Variants in SPANXN4 observed in about 807,000 individuals in gnomAD.
SPANXN4 encodes SPANX family member N4.
SPANXN4 carries 5 observed loss-of-function variants against 6.0 expected under a neutral mutation model. The ratio of observed to expected loss-of-function variants is 0.83; its 90% CI spans 0.44 to 1.75. SPANXN4 has a LOEUF of 1.75. SPANXN4 is among the 40% of genes most tolerant of loss of function. The pLI is 0.02. For synonymous variants in SPANXN4, 45 were observed against 38.0 expected, an observed-to-expected ratio of 1.19 and a Z score of -0.68; for missense variants, 157 against 108.6, an observed-to-expected ratio of 1.45 and a Z score of -1.98.
intron 1 of SPANXN4, among the ~76,000 whole-genome samples, chrX:143,030,264 G>A (rs750147895): frequency 3.6e-5 from 4 of 110,851 alleles, no homozygotes; most frequent in Non-Finnish European, 7.6e-5. Flanking sequence ...TTGTTGGGTT[G>A]GGATGGCCCA....
At chrX:143,033,487 G>A (rs749735372) in intron 1 of SPANXN4, among the ~76,000 whole-genome samples, 3 of 111,647 alleles carry the variant, frequency 2.7e-5, no homozygotes, top group South Asian at 3.9e-4. Flanking sequence ...CTGCAGAAGT[G>A]GGGGACCAGC....
At position 143,026,000 on chromosome X, in the gene SPANXN4, C is replaced by T. The variant is rs749339931; in HGVS notation, c.-15C>T. On this transcript the variant is annotated 5_prime_UTR_variant, in exon 1 of 3. Coordinates refer to ENST00000370504, the Ensembl canonical transcript of SPANXN4. ...AGAAGATCCTAGTACAGAAATTCTA[C>T]AACCAACCATAATCATGGAAGAGCC... 16 of 1,202,028 alleles carry T rather than the reference C, an allele frequency of 1.3e-5. No homozygotes were observed. In the South Asian group the frequency reaches 2.9e-4, roughly 22 times the overall value.
chrX:143,033,393 T>C (rs1932822522), intron 1 of SPANXN4, among the ~76,000 whole-genome samples: 1 of 110,827 alleles, frequency 9.0e-6, no homozygotes, highest in South Asian at 3.9e-4. Flanking sequence ...GGCACCAAAA[T>C]GTTAGGTTTT....
chrX:143,034,125 A>G, exon 2 of SPANXN4: 1 of 1,179,998 alleles, frequency 8.5e-7, no homozygotes, highest in African/African-American at 1.8e-5. Context: ...AGGAAGAATA[A>G]GAAAAGAAAT....
At chrX:143,036,546 G>A (rs772850056), downstream of SPANXN4, among the ~76,000 whole-genome samples, 26 of 111,569 alleles carry the variant, frequency 2.3e-4, no homozygotes, top group Non-Finnish European at 2.5e-4. Flanking sequence ...TTGAATTATC[G>A]CGACATCCTT....
intron 1 of SPANXN4, among the ~76,000 whole-genome samples, chrX:143,028,165 T>C (rs1602655969): frequency 9.0e-6 from 1 of 110,919 alleles, no homozygotes; most frequent in East Asian, 2.9e-4. Context: ...TGGAATGGTG[T>C]ATTCAGTGTG....
chrX:143,033,877 C>A (rs1011321915), intron 1 of SPANXN4, 148 bp from the exon 2 acceptor site: 41 of 513,786 alleles, frequency 8.0e-5, no homozygotes, highest in South Asian at 3.3e-4. Context: ...CCCCATAGAT[C>A]CCTACCCTAT....
At chrX:143,033,884 C>A in intron 1 of SPANXN4, 141 bp from the exon 2 acceptor site, 1 of 536,316 alleles carries the variant, frequency 1.9e-6, no homozygotes, top group Non-Finnish European at 3.0e-6. Context: ...GATCCCTACC[C>A]TATGATTCCA....
At chrX:143,026,671 C>T (rs997676936) in intron 1 of SPANXN4, among the ~76,000 whole-genome samples, 2 of 111,317 alleles carry the variant, frequency 1.8e-5, no homozygotes, top group Admixed American at 9.5e-5. Flanking sequence ...TGTTGGACTT[C>T]AGAGTTGTTT....
chrX:143,036,747 C>G (rs1216999402), downstream of SPANXN4, among the ~76,000 whole-genome samples: 2 of 111,485 alleles, frequency 1.8e-5, no homozygotes, highest in Non-Finnish European at 3.8e-5. Flanking sequence ...TTTGGCTGTT[C>G]TAGGCCCTTT....
At chrX:143,034,359 A>T in intron 2 of SPANXN4, 48 bp downstream of exon 2, 1 of 1,031,321 alleles carries the variant, frequency 9.7e-7, no homozygotes, top group Non-Finnish European at 1.3e-6. Flanking sequence ...GGAGGAAGGG[A>T]AGGGAAAAGA....
At chrX:143,035,188 G>C (rs916820235), downstream of SPANXN4, among the ~76,000 whole-genome samples, 1 of 109,736 alleles carries the variant, frequency 9.1e-6, no homozygotes, top group African/African-American at 3.3e-5. Context: ...TATTCCTTGA[G>C]TTAATTGCTC....
At chrX:143,026,068 A>G (rs1247459948) in exon 1 of SPANXN4, 3 of 1,208,407 alleles carry the variant, frequency 2.5e-6, no homozygotes, top group Non-Finnish European at 3.4e-6. Flanking sequence ...GCCCCTGTGA[A>G]TCTAACAAAA....
chrX:143,031,666 C>T (rs192634934), intron 1 of SPANXN4, among the ~76,000 whole-genome samples: 1 of 111,845 alleles, frequency 8.9e-6, no homozygotes, highest in South Asian at 3.8e-4. Context: ...TGAATGGCAG[C>T]TGCCAGCATT....
At chrX:143,035,932 C>T (rs768081692), downstream of SPANXN4, among the ~76,000 whole-genome samples, 19 of 106,326 alleles carry the variant, frequency 1.8e-4, no homozygotes, top group African/African-American at 6.5e-4. Context: ...CCCATTTCTT[C>T]TCCCACCCCC....
rs1602659422 is a variant in SPANXN4, at chrX:143,034,306, A to T, written c.283+74A>T. 24 of 1,075,108 alleles carry T rather than the reference A, an allele frequency of 2.2e-5. No homozygotes were observed. The South Asian group carries it at 5.3e-4, about 24-fold the overall frequency. 88.6% of individuals were successfully genotyped at this position (1,075,108 alleles called of 1,213,427 possible). A position where few individuals can be genotyped will look rare whatever the true frequency, so the allele number is the denominator to read the frequency against. ...TGATTACAATAAAATCAGTTTGAGG[A>T]GCTGATGACTGTGTATACCTCTGCC... is the stretch of plus-strand genomic sequence containing the variant. On this transcript the variant is annotated intron_variant, in intron 2 of 2. Transcript: ENST00000370504.
chrX:143,034,437 A>T (rs974844330), intron 2 of SPANXN4, 126 bp downstream of exon 2: 3 of 1,100,790 alleles, frequency 2.7e-6, no homozygotes, highest in Non-Finnish European at 3.6e-6. Flanking sequence ...GGTTAGCCAG[A>T]CATTGTAAAT....
At chrX:143,034,997 C>A (rs1393323320), downstream of SPANXN4, among the ~76,000 whole-genome samples, 1 of 106,524 alleles carries the variant, frequency 9.4e-6, no homozygotes, top group Non-Finnish European at 1.9e-5. Context: ...AAGAATTCTT[C>A]CCCTAGAGAC....
downstream of SPANXN4, among the ~76,000 whole-genome samples, chrX:143,037,986 G>T (rs1433832952): frequency 9.0e-6 from 1 of 111,473 alleles, no homozygotes; most frequent in Non-Finnish European, 1.9e-5. Context: ...TTATAGCAGT[G>T]TGTAAATGGA....
Sources: gnomAD v4.1 joint callset for allele counts (sites outside exome capture counted in the v4.1 genomes callset) on GRCh38, gnomAD v4.1.1 for gene constraint, MANE v1.5 for transcripts, NCBI Gene and HGNC (gene_info 2026-07-23, HGNC 2026-07-21) for gene names.